Variants in TECPR1 observed in about 807,000 individuals in gnomAD.
The protein encoded by TECPR1 is tectonin beta-propeller repeat containing 1, also known as tectonin beta-propeller repeat-containing protein 1.
Under a neutral mutation model 162.4 loss-of-function variants are expected in TECPR1, and 122 were observed. The ratio of observed to expected loss-of-function variants is 0.75; its 90% CI spans 0.65 to 0.87. The LOEUF (loss-of-function observed/expected upper bound fraction) is 0.87, where lower values mean the gene tolerates loss of function less well. Ranked by LOEUF, TECPR1 falls within the 40% of genes least tolerant of loss-of-function variation. TECPR1 has a pLI of 0.00. For synonymous variants in TECPR1, 642 were observed against 670.6 expected (o/e 0.96, Z 0.66); for missense variants, 1,432 against 1,618.2 (o/e 0.88, Z 1.97).
chr7:98,225,024 C>A lies in TECPR1; in HGVS notation c.2592G>T (p.Pro864=), dbSNP rs1298993719. 6.4e-7 allele frequency: 1 copy of A among 1,553,438 alleles called. No individual in the cohort carries two copies. The highest frequency in any genetic ancestry group is 8.7e-7 in the Non-Finnish European group (1 of 1,150,802). ...ACCTCACCCAGGCCCACTGCAGGGA[C>A]GGGGGCTTCGTGCCAGCCTTCGTGC... is the stretch of plus-strand genomic sequence containing the variant. ...QECTKAGTKP[P]SLQWAWVSDW... Residue 864 remains proline, a synonymous_variant, in exon 18 of 26, where the codon CCG becomes CCT. Transcript: ENST00000447648.
At chr7:98,224,743 C>T (rs940954622) in intron 19 of TECPR1, 58 bp downstream of exon 19, 1 of 1,499,930 alleles carries the variant, frequency 6.7e-7, no homozygotes, top group Admixed American at 2.0e-5. Flanking sequence ...AGGCCACACA[C>T]TCCAGGGCCC....
At chr7:98,218,138 A>C in intron 23 of TECPR1, 96 bp from the exon 24 acceptor site, 1 of 1,005,828 alleles carries the variant, frequency 9.9e-7, no homozygotes, top group Non-Finnish European at 1.5e-6. Flanking sequence ...CGCTCTAACC[A>C]CTTCGGGGTT....
rs531478147 is a variant in TECPR1 at position 98,216,476 on chromosome 7, C to A, written c.*914G>T. The A allele has an allele frequency of 6.6e-6, 1 of 152,276 alleles. No individual in the cohort carries two copies. The highest frequency in any genetic ancestry group is 2.4e-5 in the African/African-American group (1 of 41,442). 9.4% of individuals were successfully genotyped at this position (152,276 alleles called of 1,614,324 possible). On this transcript the variant is annotated 3_prime_UTR_variant, in exon 26 of 26. Coordinates refer to ENST00000447648, the MANE Select transcript of TECPR1 (RefSeq NM_015395.3). ...AGCCTCTCATCCTCTCCCAGCCTCC[C>A]GTCTGGTACCCCGGCCCCCTCAGGG... is the stretch of plus-strand genomic sequence containing the variant.
chr7:98,229,306 G>T, intron 15 of TECPR1, 140 bp from the exon 16 acceptor site: 1 of 1,132,544 alleles, frequency 8.8e-7, no homozygotes, highest in Non-Finnish European at 1.2e-6. Flanking sequence ...CATCCACCCT[G>T]CCTGACCTCC....
chr7:98,224,743 C>A (rs940954622), intron 19 of TECPR1, 58 bp downstream of exon 19: 2 of 1,499,930 alleles, frequency 1.3e-6, no homozygotes, highest in South Asian at 1.2e-5. Flanking sequence ...AGGCCACACA[C>A]TCCAGGGCCC....
rs372050077 is a variant in TECPR1 at position 98,231,085 on chromosome 7, G to T, written c.2158C>A (p.Arg720=). Reference sequence around the variant, plus strand: ...GGGGACGGGCGGCCCTGCACCTTCCGGCTCTCGCAGCAAGACAGGCTGAGC... The same window carrying T: ...GGGGACGGGCGGCCCTGCACCTTCCTGCTCTCGCAGCAAGACAGGCTGAGC... ...ALLSLSCCES[R]KVQGRPSPQA... The change falls in exon 15 of 26, where the codon CGG becomes AGG. Residue 720 remains arginine (R), a synonymous_variant. Transcript: ENST00000447648. 1 of 1,604,678 alleles carries T rather than the reference G, an allele frequency of 6.2e-7. No individual in the cohort carries two copies. The highest frequency in any genetic ancestry group is 1.7e-5 in the Admixed American group (1 of 58,528).
intron 10 of TECPR1, among the ~76,000 whole-genome samples, chr7:98,235,297 G>A (rs1019813195): frequency 2.6e-4 from 39 of 152,248 alleles, no homozygotes; most frequent in African/African-American, 7.0e-4. Context: ...AGGCCAAGGC[G>A]GGAGGATCAC....
intron 9 of TECPR1, 54 bp downstream of exon 9, chr7:98,238,455 G>C: frequency 7.0e-7 from 1 of 1,436,494 alleles, no homozygotes; most frequent in Non-Finnish European, 9.6e-7. Flanking sequence ...GTGGCATCAG[G>C]AGCCCCCATT....
At chr7:98,238,368 C>T (rs1798652572) in intron 9 of TECPR1, 141 bp downstream of exon 9, 3 of 708,072 alleles carry the variant, frequency 4.2e-6, no homozygotes, top group South Asian at 3.5e-5. Context: ...AAGCCTGGCA[C>T]CTCAGAAAGA....
At chr7:98,243,319 G>A in intron 6 of TECPR1, 148 bp downstream of exon 6, 1 of 1,125,132 alleles carries the variant, frequency 8.9e-7, no homozygotes, top group Admixed American at 2.7e-5. Flanking sequence ...CAGCACGCTG[G>A]GGGCTCGGAG....
Position 98,231,246 on chromosome 7 carries a change from G to A in TECPR1, c.2102C>T (p.Thr701Ile), listed in dbSNP as rs1170465612. ...QRWPVRLAAA[T>I]EQDMNDWLAL... ...CACCCAGTCATTCATGTCCTGCTCG[G>A]TGGCAGCAGCCAGACGCACCGGCCA... The change falls in exon 14 of 26, where the codon ACC (threonine) becomes ATC (isoleucine). Residue 701 changes from threonine to isoleucine, a missense_variant. By Grantham distance (89) the Thr-to-Ile change is moderately conservative. Transcript: ENST00000447648. The A allele has an allele frequency of 6.2e-7, 1 of 1,612,952 alleles. No individual in the cohort carries two copies. The highest frequency in any genetic ancestry group is 2.2e-5 in the East Asian group (1 of 44,868).
chr7:98,240,120 AC>A (rs1175022249), intron 8 of TECPR1, among the ~76,000 whole-genome samples: 2 of 151,926 alleles, frequency 1.3e-5, no homozygotes, highest in Admixed American at 6.6e-5. Context: ...AAAAAAACAA[AC>A]AAAAGAAAAA....
chr7:98,231,672 T>C (rs1237691507), intron 13 of TECPR1, 132 bp downstream of exon 13: 3 of 765,514 alleles, frequency 3.9e-6, no homozygotes, highest in Admixed American at 5.8e-5. Context: ...GGTACCCTCA[T>C]TTCTGTGTCC....
At chr7:98,219,126 C>T (rs1208239692) in intron 23 of TECPR1, among the ~76,000 whole-genome samples, 2 of 152,036 alleles carry the variant, frequency 1.3e-5, no homozygotes, top group Non-Finnish European at 2.9e-5. Flanking sequence ...CATACAAAAG[C>T]ATAAACTGGG....
chr7:98,235,847 A>C (rs868718856), intron 10 of TECPR1, among the ~76,000 whole-genome samples: 6 of 139,180 alleles, frequency 4.3e-5, no homozygotes, highest in African/African-American at 1.6e-4. Flanking sequence ...AAAAAAAAAA[A>C]AAAACACCAT....
At position 98,224,888 on chromosome 7, in the gene TECPR1, G is replaced by T. The variant is rs766868442; in HGVS notation, c.2611-8C>A. The T allele has an allele frequency of 1.3e-6, 2 of 1,558,398 alleles. No homozygotes were observed. The highest frequency in any genetic ancestry group is 1.2e-5 in the South Asian group (1 of 84,434). The stretch of plus-strand genomic sequence containing the variant: ...CACGAACCAGTCGGAAACCTGGGAG[G>T]AGTGGGTCAGTGAGGATGGGACCCC... On this transcript the variant is annotated splice_polypyrimidine_tract_variant and splice_region_variant and intron_variant, in intron 18 of 25. Coordinates refer to ENST00000447648, the MANE Select transcript of TECPR1 (RefSeq NM_015395.3).
chr7:98,233,160 C>T (rs1798495017), intron 11 of TECPR1, 188 bp from the exon 12 acceptor site: 9 of 811,436 alleles, frequency 1.1e-5, no homozygotes, highest in Non-Finnish European at 1.6e-5. Context: ...TGGAAAGCAG[C>T]CACCACCGCT....
intron 13 of TECPR1, 28 bp downstream of exon 13, chr7:98,231,776 C>T (rs1283491590): frequency 5.6e-6 from 9 of 1,602,890 alleles, no homozygotes; most frequent in Non-Finnish European, 7.7e-6. Context: ...CCCTCCCTGG[C>T]CCCATCTCCT....
Position 98,217,682 on chromosome 7 carries a change from C to A in TECPR1, c.3384+10G>T. The A allele has an allele frequency of 2.0e-6, 3 of 1,534,794 alleles. No individual in the cohort carries two copies. The highest frequency in any genetic ancestry group is 2.6e-6 in the Non-Finnish European group (3 of 1,138,114). ...TGATAACACAGCCCAAGGCCGCGGG[C>A]CCCGCTCACCCCGATGCCGTAGTCC... On this transcript the variant is annotated intron_variant, in intron 25 of 25. Coordinates refer to ENST00000447648, the MANE Select transcript of TECPR1 (RefSeq NM_015395.3).
Sources: gnomAD v4.1 joint callset for allele counts (sites outside exome capture counted in the v4.1 genomes callset) on GRCh38, gnomAD v4.1.1 for gene constraint, MANE v1.5 for transcripts, NCBI Gene and HGNC (gene_info 2026-07-23, HGNC 2026-07-21) for gene names.